MKNK1: variants seen among roughly 807,000 people sequenced by gnomAD.
MKNK1 encodes the protein MAP kinase-interacting serine/threonine-protein kinase 1.
A neutral mutation model predicts 49.3 loss-of-function variants in MKNK1; 30 were observed. The ratio of observed to expected loss-of-function variants is 0.61; its 90% CI spans 0.46 to 0.83. The LOEUF is 0.83. Ranked by LOEUF, MKNK1 falls within the 40% of genes least tolerant of loss-of-function variation. The probability of loss-of-function intolerance (pLI) is 0.00; values close to 1 mark genes in which losing one functional copy is unlikely to be tolerated. For synonymous variants in MKNK1, 176 were observed against 201.7 expected, an observed-to-expected ratio of 0.87 and a Z score of 1.08; for missense variants, 423 against 524.7, an observed-to-expected ratio of 0.81 and a Z score of 1.89.
intron 2 of MKNK1, chr1:46,586,041 C>A: frequency 1.4e-6 from 1 of 717,498 alleles, no homozygotes; most frequent in South Asian, 1.5e-5. Context: ...CCTGGTTACA[C>A]AGGGGGAAGC....
intron 2 of MKNK1, among the ~76,000 whole-genome samples, chr1:46,586,915 C>T (rs903459777): frequency 2.0e-5 from 3 of 152,234 alleles, no homozygotes; most frequent in Non-Finnish European, 4.4e-5. Flanking sequence ...TCAAGCGATT[C>T]TCCTGCCTCA....
chr1:46,563,068 T>TCCAA, intron 9 of MKNK1: 1 of 486,218 alleles, frequency 2.1e-6, no homozygotes, highest in South Asian at 3.6e-5. Context: ...TCAGGTCACC[T>TCCAA]TATCCTTCCA....
intron 1 of MKNK1, among the ~76,000 whole-genome samples, chr1:46,603,809 ATTAAC>A (rs1279265137): frequency 1.3e-5 from 2 of 152,220 alleles, no homozygotes; most frequent in South Asian, 2.1e-4. Flanking sequence ...AATGAAAACA[ATTAAC>A]TTAAAAATAA....
At chr1:46,580,656 C>A in intron 3 of MKNK1, 29 bp from the exon 4 acceptor site, 1 of 1,491,314 alleles carries the variant, frequency 6.7e-7, no homozygotes. Context: ...AGAGGAATAA[C>A]AAGATGAGTC....
chr1:46,577,898 T>G (rs1205434917), intron 4 of MKNK1, among the ~76,000 whole-genome samples: 1 of 152,228 alleles, frequency 6.6e-6, no homozygotes, highest in Non-Finnish European at 1.5e-5. Context: ...ACGTGCACAG[T>G]GGGCAGCACA....
intron 8 of MKNK1, 107 bp from the exon 9 acceptor site, chr1:46,565,243 C>A: frequency 1.0e-6 from 1 of 1,002,192 alleles, no homozygotes; most frequent in Non-Finnish European, 1.6e-6. Context: ...CACACCGCAG[C>A]TGGTTTTGTC....
At chr1:46,566,239 G>C (rs1056414039) in intron 8 of MKNK1, among the ~76,000 whole-genome samples, 1 of 152,148 alleles carries the variant, frequency 6.6e-6, no homozygotes, top group Non-Finnish European at 1.5e-5. Context: ...CATATAAGTA[G>C]ATTTACACAA....
intron 1 of MKNK1, among the ~76,000 whole-genome samples, chr1:46,600,130 G>T (rs1054122261): frequency 1.3e-5 from 2 of 152,278 alleles, no homozygotes; most frequent in African/African-American, 4.8e-5. Flanking sequence ...TGGTCATGCT[G>T]GGATTGATTT....
chr1:46,568,699 A>G (rs1484797662), intron 7 of MKNK1: 4 of 584,344 alleles, frequency 6.8e-6, no homozygotes, highest in Non-Finnish European at 9.2e-6. Flanking sequence ...GTTCTTTTGA[A>G]GAGGAGGCTT....
In MKNK1 at chr1:46,562,776, T is replaced by C. The variant is rs992959367; in HGVS notation, c.677A>G (p.Asp226Gly). The change falls in exon 10 of 13, where the codon GAC (aspartate) becomes GGC (glycine). Residue 226 changes from aspartate to glycine, a missense_variant. Coordinates refer to ENST00000371945, the MANE Select transcript of MKNK1 (RefSeq NM_001135553.4). The stretch of plus-strand genomic sequence containing the variant: ...CAGGCTCCACAGGTCACAGCGCTTG[T>C]CGTAGAATGTGGCCTGGTCCGTGAA... ...EVFTDQATFY[D>G]KRCDLWSLGV... 1 of 1,611,944 alleles carries C rather than the reference T, an allele frequency of 6.2e-7. No individual in the cohort carries two copies. Among genetic ancestry groups the C allele is most frequent in the Admixed American group, 1.7e-5 (1 of 59,738 alleles).
At chr1:46,567,711 C>T (rs1669311712) in intron 8 of MKNK1, among the ~76,000 whole-genome samples, 1 of 152,202 alleles carries the variant, frequency 6.6e-6, no homozygotes, top group African/African-American at 2.4e-5. Flanking sequence ...TGTATATACA[C>T]GCAGAGCTGT....
At chr1:46,577,297 G>A (rs981860694) in intron 4 of MKNK1, among the ~76,000 whole-genome samples, 1 of 152,092 alleles carries the variant, frequency 6.6e-6, no homozygotes, top group Non-Finnish European at 1.5e-5. Flanking sequence ...TGGCCAACAC[G>A]GTGAAACCCC....
Position 46,561,571 on chromosome 1 carries a change from A to C in MKNK1, c.876T>G (p.Ser292Arg). Residue 292 changes from serine to arginine, a missense_variant, in exon 11 of 13, where the codon AGT becomes AGG. Physicochemically the swap from Ser to Arg is moderately radical, Grantham distance 110 (BLOSUM62 -1). Transcript: ENST00000371945. ...GCTTGGAGATGAGGTCTTTGGCTTC[A>C]CTGGAGATGTGTGCCCAGTCCTTGT... is the stretch of plus-strand genomic sequence containing the variant. Reference protein sequence around the residue: ...FPDKDWAHISSEAKDLISKLL... With the variant: ...FPDKDWAHISREAKDLISKLL... 1 of 1,614,182 alleles carries C rather than the reference A, an allele frequency of 6.2e-7. No homozygotes were observed. Among genetic ancestry groups the C allele is most frequent in the Non-Finnish European group, 8.5e-7 (1 of 1,180,018 alleles).
At chr1:46,597,056 C>T (rs956624700) in intron 1 of MKNK1, among the ~76,000 whole-genome samples, 3 of 152,212 alleles carry the variant, frequency 2.0e-5, no homozygotes, top group African/African-American at 7.2e-5. Flanking sequence ...TTACCAACTA[C>T]CCAGATGGAC....
At chr1:46,594,450 A>G (rs763974632) in intron 1 of MKNK1, among the ~76,000 whole-genome samples, 170 bp from the exon 2 acceptor site, 7 of 152,208 alleles carry the variant, frequency 4.6e-5, no homozygotes, top group Non-Finnish European at 1.0e-4. Flanking sequence ...TTTGAATTAA[A>G]TTTTTTGTAG....
chr1:46,577,823 C>T (rs577962299), intron 4 of MKNK1, among the ~76,000 whole-genome samples: 1 of 152,368 alleles, frequency 6.6e-6, no homozygotes, highest in Non-Finnish European at 1.5e-5. Flanking sequence ...CATCTGGAGC[C>T]TCAAACCACT....
chr1:46,558,483 G>A lies in MKNK1; in HGVS notation c.*92C>T. The stretch of plus-strand genomic sequence containing the variant: ...GCCTGAATGGAGCCACAGAGCAGAG[G>A]CTGCTGCCTGCTCAGCAGACTTTAG... On this transcript the variant is annotated 3_prime_UTR_variant, in exon 13 of 13. Coordinates refer to ENST00000371945, the MANE Select transcript of MKNK1 (RefSeq NM_001135553.4). 7.8e-7 allele frequency: 1 copy of A among 1,279,108 alleles called. No individual in the cohort carries two copies. 79.2% of individuals were successfully genotyped at this position (1,279,108 alleles called of 1,614,324 possible).
intron 9 of MKNK1, among the ~76,000 whole-genome samples, chr1:46,563,249 C>T (rs80069047): frequency 0.011 from 1,685 of 152,296 alleles, 8 homozygotes; most frequent in Non-Finnish European, 0.019. Flanking sequence ...TGAATCCTGT[C>T]GTGCTCCCCT....
intron 2 of MKNK1, among the ~76,000 whole-genome samples, chr1:46,585,073 A>T (rs1272886204): frequency 1.3e-5 from 2 of 151,842 alleles, no homozygotes; most frequent in African/African-American, 4.8e-5. Flanking sequence ...CAACATGGTG[A>T]AACCTGTCTC....
Sources: gnomAD v4.1 joint callset for allele counts (sites outside exome capture counted in the v4.1 genomes callset) on GRCh38, gnomAD v4.1.1 for gene constraint, MANE v1.5 for transcripts, NCBI Gene and HGNC (gene_info 2026-07-23, HGNC 2026-07-21) for gene names.